Variants in BICD1 observed in about 807,000 individuals in gnomAD.
BICD1 encodes the protein BICD cargo adaptor 1.
Under a neutral mutation model 92.5 loss-of-function variants are expected in BICD1, and 35 were observed. That is an observed-to-expected ratio of 0.38 (90% CI 0.29 to 0.50). The LOEUF (loss-of-function observed/expected upper bound fraction) is 0.50, where lower values mean the gene tolerates loss of function less well. Ranked by LOEUF, BICD1 falls within the 20% of genes least tolerant of loss-of-function variation. The pLI is 0.93. For synonymous variants in BICD1, 429 were observed against 465.1 expected (o/e 0.92, Z 1.00); for missense variants, 950 against 1,189.8 (o/e 0.80, Z 2.97).
At chr12:32,297,795 TAAAG>T (rs911572993) in intron 3 of BICD1, among the ~76,000 whole-genome samples, 15 of 134,104 alleles carry the variant, frequency 1.1e-4, no homozygotes, top group Middle Eastern at 3.9e-3. Flanking sequence ...TTACTTTCTA[TAAAG>T]AGTCTATTTA....
chr12:32,207,191 A>G (rs1267642544), intron 1 of BICD1, among the ~76,000 whole-genome samples: 1 of 151,500 alleles, frequency 6.6e-6, no homozygotes, highest in Non-Finnish European at 1.5e-5. Flanking sequence ...TTGTGTTTAT[A>G]TTTTGTCATA....
intron 1 of BICD1, among the ~76,000 whole-genome samples, chr12:32,141,721 G>A (rs1197593277): frequency 1.3e-5 from 2 of 152,094 alleles, no homozygotes; most frequent in East Asian, 1.9e-4. Flanking sequence ...TGATCCATCC[G>A]CCTCAGCCTC....
At chr12:32,114,837 T>A (rs1409509237) in intron 1 of BICD1, among the ~76,000 whole-genome samples, 1 of 152,212 alleles carries the variant, frequency 6.6e-6, no homozygotes, top group Non-Finnish European at 1.5e-5. Flanking sequence ...AAAAGCTGAC[T>A]GGGGACAGTA....
chr12:32,279,059 A>C (rs1947351182), intron 2 of BICD1, among the ~76,000 whole-genome samples: 1 of 152,194 alleles, frequency 6.6e-6, no homozygotes. Flanking sequence ...TATAGACTTC[A>C]AAAAACAAAG....
At chr12:32,377,413 C>A in intron 9 of BICD1, 127 bp from the exon 10 acceptor site, 1 of 745,034 alleles carries the variant, frequency 1.3e-6, no homozygotes, top group South Asian at 1.6e-5. Context: ...TAGATGGAAA[C>A]CATTTACTGT....
chr12:32,230,319 G>C (rs1004014428), intron 2 of BICD1, among the ~76,000 whole-genome samples: 2 of 151,944 alleles, frequency 1.3e-5, no homozygotes, highest in African/African-American at 4.8e-5. Context: ...AGGATTGCTT[G>C]AGCCCAGGAG....
chr12:32,107,112 C>G lies in BICD1; in HGVS notation c.-220C>G. On this transcript the variant is annotated 5_prime_UTR_variant, in exon 1 of 10. Transcript: ENST00000652176. ...CGGCCTTTGCCGCCTCGCCCCTGAC[C>G]CTCTGCCCTGTTCTCCATGTTGCAT... 1 of 578,128 alleles carries G rather than the reference C, an allele frequency of 1.7e-6. No individual in the cohort carries two copies. The highest frequency in any genetic ancestry group is 3.0e-5 in the East Asian group (1 of 33,872). The allele number at this position is 578,128 out of a possible 1,614,324, so 35.8% of individuals were successfully genotyped here.
chr12:32,383,627 C>T lies in BICD1; in HGVS notation c.*6000C>T, dbSNP rs1186261434. On this transcript the variant is annotated 3_prime_UTR_variant, in exon 10 of 10. Coordinates refer to ENST00000652176, the MANE Select transcript of BICD1 (RefSeq NM_001714.4). Reference sequence around the variant, plus strand: ...GTAAATAAACTGGTTATTTTTTGTTCATTTCATTAATGCTGCCTTTTTATC... The same window carrying T: ...GTAAATAAACTGGTTATTTTTTGTTTATTTCATTAATGCTGCCTTTTTATC... 6.6e-6 allele frequency: 1 copy of T among 152,020 alleles called. No homozygotes were observed. The highest frequency in any genetic ancestry group is 1.9e-4 in the East Asian group (1 of 5,196). 9.4% of individuals were successfully genotyped at this position (152,020 alleles called of 1,614,324 possible). A position where few individuals can be genotyped will look rare whatever the true frequency, so the allele number is the denominator to read the frequency against.
rs922628809 is a variant in BICD1, at chr12:32,313,921, C to T, written c.1005+7799C>T. 5.9e-5 allele frequency among the ~76,000 whole-genome samples: 9 copies of T among 151,968 alleles called. No individual in the cohort carries two copies. Among genetic ancestry groups the T allele is most frequent in the African/African-American group, 1.9e-4 (8 of 41,266 alleles). Reference sequence around the variant, plus strand: ...GCTTGAGTCTGGGAGGAGGTCAAGGCTGCAGTGAGCCATGACCATGCCACT... The same window carrying T: ...GCTTGAGTCTGGGAGGAGGTCAAGGTTGCAGTGAGCCATGACCATGCCACT... On this transcript the variant is annotated intron_variant, in intron 4 of 9. Coordinates refer to ENST00000652176, the MANE Select transcript of BICD1 (RefSeq NM_001714.4). The surrounding 1 kb of genome is among the most constrained non-coding windows in gnomAD (Gnocchi z 4.2).
At chr12:32,211,698 A>T (rs1016399004) in intron 1 of BICD1, among the ~76,000 whole-genome samples, 1 of 123,956 alleles carries the variant, frequency 8.1e-6, no homozygotes, top group Non-Finnish European at 1.7e-5. Flanking sequence ...ATGGGGAAAC[A>T]GTTGTGAAAA....
chr12:32,304,947 G>A (rs1376964841), intron 3 of BICD1, among the ~76,000 whole-genome samples: 1 of 152,140 alleles, frequency 6.6e-6, no homozygotes, highest in Non-Finnish European at 1.5e-5. Context: ...ACTTGAGCCC[G>A]GGAGGTTGAG....
At chr12:32,121,642 G>A (rs1299365931) in intron 1 of BICD1, among the ~76,000 whole-genome samples, 1 of 146,774 alleles carries the variant, frequency 6.8e-6, no homozygotes, top group Non-Finnish European at 1.5e-5. Flanking sequence ...GCGCTGAGGT[G>A]GAAGGATGGC....
intron 9 of BICD1, among the ~76,000 whole-genome samples, chr12:32,373,877 C>CA (rs145953855): frequency 0.07 from 8,488 of 121,768 alleles, 346 homozygotes; most frequent in Middle Eastern, 0.16. Context: ...GAGACTGTCT[C>CA]AAAAAAAAAA....
chr12:32,295,792 ACAGG>A (rs1487947088), intron 3 of BICD1, among the ~76,000 whole-genome samples: 4 of 151,668 alleles, frequency 2.6e-5, no homozygotes, highest in African/African-American at 9.7e-5. Context: ...AGCTGGGATT[ACAGG>A]CATGAGCCAC....
At chr12:32,153,841 A>G (rs1038027467) in intron 1 of BICD1, among the ~76,000 whole-genome samples, 5 of 150,710 alleles carry the variant, frequency 3.3e-5, no homozygotes, top group Admixed American at 6.6e-5. Flanking sequence ...TATATATAAT[A>G]TATATGTAAT....
intron 2 of BICD1, among the ~76,000 whole-genome samples, chr12:32,287,614 G>A (rs1274965929): frequency 6.7e-6 from 1 of 149,702 alleles, no homozygotes; most frequent in Non-Finnish European, 1.5e-5. Flanking sequence ...TTGGCTCACT[G>A]CAAGCTCTGC....
intron 1 of BICD1, among the ~76,000 whole-genome samples, chr12:32,171,207 G>A (rs774309936): frequency 1.8e-4 from 27 of 152,298 alleles, no homozygotes; most frequent in Non-Finnish European, 2.8e-4. Flanking sequence ...GAACAGAGGC[G>A]ACACACGTCA....
At chr12:32,220,761 T>C (rs2121565039) in intron 2 of BICD1, among the ~76,000 whole-genome samples, 1 of 144,118 alleles carries the variant, frequency 6.9e-6, no homozygotes, top group East Asian at 2.1e-4. Flanking sequence ...CCCAAAGGAT[T>C]ATAAATCATG....
Position 32,107,013 on chromosome 12 carries a change from G to A in BICD1, c.-319G>A. On this transcript the variant is annotated 5_prime_UTR_variant, in exon 1 of 10. Coordinates refer to ENST00000652176, the MANE Select transcript of BICD1 (RefSeq NM_001714.4). The stretch of plus-strand genomic sequence containing the variant: ...CAGAATCCGGAGCCCCTCGCTACCC[G>A]CGGCCGCCGCAGCCCGGGCCATGCC... The A allele has an allele frequency of 3.3e-6, 1 of 305,354 alleles. No individual in the cohort carries two copies. Among genetic ancestry groups the A allele is most frequent in the South Asian group, 4.5e-5 (1 of 22,116 alleles). 18.9% of individuals were successfully genotyped at this position (305,354 alleles called of 1,614,324 possible).
Sources: allele counts gnomAD v4.1 joint callset (sites outside exome capture counted in the v4.1 genomes callset), GRCh38; gene constraint gnomAD v4.1.1; non-coding constraint Gnocchi (gnomAD v3.1); transcripts MANE v1.5; gene names NCBI Gene and HGNC (gene_info 2026-07-23, HGNC 2026-07-21).